Variants in ATG4C observed in about 807,000 individuals in gnomAD.
ATG4C encodes the protein cysteine protease ATG4C.
ATG4C carries 56 observed loss-of-function variants against 57.6 expected under a neutral mutation model. The ratio of observed to expected loss-of-function variants is 0.97; its 90% CI spans 0.78 to 1.21. The LOEUF (loss-of-function observed/expected upper bound fraction) is 1.21. Among genes scored for constraint, ATG4C ranks in the 50% most tolerant of loss-of-function variants. ATG4C has a pLI of 0.00. For synonymous variants in ATG4C, 157 were observed against 174.1 expected (o/e 0.90, Z 0.78); for missense variants, 595 against 529.8 (o/e 1.12, Z -1.21).
At chr1:62,792,006 C>CT (rs1261228348) in intron 1 of ATG4C, among the ~76,000 whole-genome samples, 3 of 151,102 alleles carry the variant, frequency 2.0e-5, no homozygotes, top group South Asian at 4.2e-4. Context: ...CTACTCTTTT[C>CT]TTTTTTTTTA....
At chr1:62,809,524 AATT>A (rs888341571) in intron 3 of ATG4C, among the ~76,000 whole-genome samples, 4 of 147,208 alleles carry the variant, frequency 2.7e-5, no homozygotes, top group African/African-American at 4.9e-5. Context: ...ATAATTATAT[AATT>A]ATAATGTATA....
chr1:62,845,171 G>A (rs1208582806), intron 10 of ATG4C, among the ~76,000 whole-genome samples: 5 of 150,866 alleles, frequency 3.3e-5, no homozygotes, highest in Admixed American at 2.0e-4. Flanking sequence ...CATATTTTTA[G>A]GTTTGCTGTA....
At chr1:62,844,697 A>G (rs1666275812) in intron 10 of ATG4C, among the ~76,000 whole-genome samples, 1 of 152,082 alleles carries the variant, frequency 6.6e-6, no homozygotes, top group East Asian at 1.9e-4. Context: ...TCTTCCACCA[A>G]TCTTATTCCT....
chr1:62,858,303 A>C (rs1053198875), intron 10 of ATG4C, among the ~76,000 whole-genome samples: 4 of 152,206 alleles, frequency 2.6e-5, no homozygotes, highest in Non-Finnish European at 4.4e-5. Context: ...TCATGCCTCC[A>C]CTGACTACTG....
chr1:62,850,102 G>A (rs1666458419), intron 10 of ATG4C, among the ~76,000 whole-genome samples: 1 of 152,026 alleles, frequency 6.6e-6, no homozygotes, highest in African/African-American at 2.4e-5. Context: ...ATAAAATAAA[G>A]TAAAATAACA....
intron 6 of ATG4C, among the ~76,000 whole-genome samples, chr1:62,827,464 C>T (rs1244666795): frequency 6.6e-6 from 1 of 152,088 alleles, no homozygotes; most frequent in East Asian, 1.9e-4. Context: ...AATTGCCTCC[C>T]CCTCAGCATT....
chr1:62,818,523 CTTTT>C (rs1307202472), intron 4 of ATG4C, among the ~76,000 whole-genome samples: 1 of 151,958 alleles, frequency 6.6e-6, no homozygotes, highest in Non-Finnish European at 1.5e-5. Context: ...TTTTTTCTTT[CTTTT>C]GTCTTGTATT....
Position 62,803,791 on chromosome 1 carries a change from A to G in ATG4C, c.5A>G (p.Glu2Gly), listed in dbSNP as rs780408783. 6.2e-7 allele frequency: 1 copy of G among 1,600,012 alleles called. No individual in the cohort carries two copies. The highest frequency in any genetic ancestry group is 1.1e-5 in the South Asian group (1 of 89,004). ...CTTTTCCTTTAGAATTTGAATATGG[A>G]GGCTACAGGAACAGATGAAGTTGAC... M[E>G]ATGTDEVDKL... The change falls in exon 2 of 11, where the codon GAG becomes GGG. Residue 2 changes from glutamate to glycine, a missense_variant. Transcript: ENST00000317868.
At chr1:62,795,864 T>C (rs918568287) in intron 1 of ATG4C, among the ~76,000 whole-genome samples, 3 of 151,960 alleles carry the variant, frequency 2.0e-5, no homozygotes, top group Non-Finnish European at 4.4e-5. Context: ...GAAGATTTAA[T>C]AATTTCTCAT....
chr1:62,834,012 A>G (rs777668660), intron 7 of ATG4C, 26 bp from the exon 8 acceptor site: 1 of 1,597,032 alleles, frequency 6.3e-7, no homozygotes, highest in Non-Finnish European at 8.6e-7. Context: ...CCTCTTGACT[A>G]AATCTGTATT....
At chr1:62,812,526 C>G (rs1440407705) in intron 3 of ATG4C, among the ~76,000 whole-genome samples, 3 of 152,128 alleles carry the variant, frequency 2.0e-5, no homozygotes, top group African/African-American at 7.2e-5. Context: ...ACTGAATGGG[C>G]AAAAGCTGGA....
chr1:62,799,231 GT>G (rs1323893926), intron 1 of ATG4C, among the ~76,000 whole-genome samples: 1 of 152,068 alleles, frequency 6.6e-6, no homozygotes, highest in Non-Finnish European at 1.5e-5. Flanking sequence ...TTAAATTTTT[GT>G]TACAGAAATA....
chr1:62,845,974 A>G (rs1380383501), intron 10 of ATG4C, among the ~76,000 whole-genome samples: 1 of 152,150 alleles, frequency 6.6e-6, no homozygotes, highest in Non-Finnish European at 1.5e-5. Flanking sequence ...AGGTAGAATC[A>G]GTAAGACAGC....
At chr1:62,851,238 C>A (rs1041097154) in intron 10 of ATG4C, among the ~76,000 whole-genome samples, 4 of 152,002 alleles carry the variant, frequency 2.6e-5, no homozygotes, top group African/African-American at 9.7e-5. Context: ...ATTCAGTGCA[C>A]AACTCAAAAT....
At chr1:62,830,826 A>C (rs929617956) in intron 7 of ATG4C, among the ~76,000 whole-genome samples, 29 of 152,186 alleles carry the variant, frequency 1.9e-4, no homozygotes, top group Admixed American at 6.6e-5. Context: ...GTGAAGCCTC[A>C]GTATCTAACA....
chr1:62,819,115 A>G lies in ATG4C; in HGVS notation c.505A>G (p.Arg169Gly), dbSNP rs753813306. The G allele has an allele frequency of 1.5e-5, 24 of 1,613,248 alleles. No homozygotes were observed. In the East Asian group the frequency reaches 5.1e-4, roughly 34 times the overall value. The change falls in exon 5 of 11, where the codon AGA becomes GGA. Residue 169 changes from arginine to glycine, a missense_variant. Physicochemically the swap from Arg to Gly is moderately radical, Grantham distance 125. Coordinates refer to ENST00000317868, the MANE Select transcript of ATG4C (RefSeq NM_032852.4). ...ATTTGAAGCATCACTTTCAGGGGAA[A>G]GAGAATTCAAAACCCCAACAATTTC... ...ASFEASLSGE[R>G]EFKTPTISLK...
intron 9 of ATG4C, among the ~76,000 whole-genome samples, chr1:62,836,247 A>G (rs1393323065): frequency 6.6e-6 from 1 of 152,112 alleles, no homozygotes; most frequent in Non-Finnish European, 1.5e-5. Flanking sequence ...TAGGCTGGTG[A>G]TAGTGAAAAT....
intron 1 of ATG4C, among the ~76,000 whole-genome samples, chr1:62,785,849 A>G (rs1222924030): frequency 6.6e-6 from 1 of 152,194 alleles, no homozygotes; most frequent in Non-Finnish European, 1.5e-5. Flanking sequence ...GGGGCGAAAT[A>G]TATTTCAGAA....
rs74526011 is a variant in ATG4C, at chr1:62,799,938, C to T, written c.-68-3781C>T. Among the ~76,000 whole-genome samples, 1,251 of 151,780 alleles carry T rather than the reference C, an allele frequency of 8.2e-3. 36 individuals are homozygous for T. Among genetic ancestry groups the T allele is most frequent in the African/African-American group, 0.028 (1,168 of 41,252 alleles). ...CCAACCTTCTCATTACCCTTCCTAG[C>T]CGCTGGTAACCATCCTTCCACTCTC... On this transcript the variant is annotated intron_variant, in intron 1 of 10. Transcript: ENST00000317868.
Sources: gnomAD v4.1 joint callset for allele counts (sites outside exome capture counted in the v4.1 genomes callset) on GRCh38, gnomAD v4.1.1 for gene constraint, MANE v1.5 for transcripts, NCBI Gene and HGNC (gene_info 2026-07-23, HGNC 2026-07-21) for gene names.